TSPAN4: variants seen among roughly 807,000 people sequenced by gnomAD.
TSPAN4 encodes tetraspanin-4.
TSPAN4 carries 38 observed loss-of-function variants against 31.5 expected under a neutral mutation model. That is an observed-to-expected ratio of 1.21 (90% CI 0.93 to 1.58). The LOEUF (loss-of-function observed/expected upper bound fraction) is 1.58. Among genes scored for constraint, TSPAN4 ranks in the 40% most tolerant of loss-of-function variants. TSPAN4 has a pLI of 0.00. For missense variants in TSPAN4, 330 were observed against 317.3 expected, an observed-to-expected ratio of 1.04 and a Z score of -0.30; for synonymous variants, 186 against 144.6, an observed-to-expected ratio of 1.29 and a Z score of -2.06.
chr11:848,976 G>A lies in TSPAN4; in HGVS notation c.-17-1312G>A. 1.5e-6 allele frequency: 1 copy of A among 655,370 alleles called. No individual in the cohort carries two copies. Among genetic ancestry groups the A allele is most frequent in the African/African-American group, 1.8e-5 (1 of 54,544 alleles). 40.6% of individuals were successfully genotyped at this position (655,370 alleles called of 1,614,324 possible). On this transcript the variant is annotated intron_variant, in intron 2 of 8. Transcript: ENST00000397397. The surrounding 1 kb of genome is among the most constrained non-coding windows in gnomAD (Gnocchi z 5.7). ...AAGGGGTGGGGTGGGGTCTTTTACA[G>A]GCTGACTTCCAGCCTGGGCTGGAGC...
intron 4 of TSPAN4, 178 bp from the exon 5 acceptor site, chr11:864,259 T>TG: frequency 1.4e-6 from 1 of 705,660 alleles, no homozygotes; most frequent in African/African-American, 1.8e-5. Flanking sequence ...TCCCTGGACC[T>TG]GGGGCCAAGG....
intron 8 of TSPAN4, 79 bp downstream of exon 8, chr11:866,080 C>T (rs1589800680): frequency 1.3e-6 from 2 of 1,500,482 alleles, no homozygotes; most frequent in Admixed American, 1.9e-5. Context: ...GTAGCAAAGA[C>T]CTTGCCCCCA....
rs186146426 is a variant in TSPAN4, at chr11:848,618, G to A, written c.-18+1318G>A. 1.0e-3 allele frequency among the ~76,000 whole-genome samples: 158 copies of A among 152,264 alleles called. No homozygotes were observed. Among genetic ancestry groups the A allele is most frequent in the Admixed American group, 3.1e-3 (48 of 15,304 alleles). Reference sequence around the variant, plus strand: ...CATCAGTCACTCCAGGAGGACCCAGGCCTCCAGAGCTGGTCAGCCCTGCCA... The same window carrying A: ...CATCAGTCACTCCAGGAGGACCCAGACCTCCAGAGCTGGTCAGCCCTGCCA... On this transcript the variant is annotated intron_variant, in intron 2 of 8. Transcript: ENST00000397397. This position sits in a 1 kb window ranked among gnomAD's most constrained non-coding sequence, Gnocchi z 5.7.
At chr11:862,888 G>T (rs1848544796) in intron 4 of TSPAN4, 147 bp downstream of exon 4, 1 of 857,530 alleles carries the variant, frequency 1.2e-6, no homozygotes, top group Non-Finnish European at 1.7e-6. Flanking sequence ...GTGGCCCGGG[G>T]CCCTGGCCAC....
intron 4 of TSPAN4, chr11:862,956 G>A (rs535423607): frequency 1.4e-5 from 8 of 577,244 alleles, no homozygotes; most frequent in African/African-American, 7.5e-5. Flanking sequence ...CGGTGTGGGG[G>A]TCACTCAAGA....
At chr11:863,663 CTT>C (rs1055091206) in intron 4 of TSPAN4, 4 of 152,458 alleles carry the variant, frequency 2.6e-5, no homozygotes, top group African/African-American at 9.6e-5. Flanking sequence ...CCATGGGTGA[CTT>C]GGGACCAGAA....
At chr11:866,083 T>G in intron 8 of TSPAN4, 82 bp downstream of exon 8, 1 of 1,480,352 alleles carries the variant, frequency 6.8e-7, no homozygotes, top group Non-Finnish European at 9.3e-7. Context: ...GCAAAGACCT[T>G]GCCCCCAGGA....
At chr11:857,693 A>G (rs570428993) in intron 3 of TSPAN4, 56 of 152,188 alleles carry the variant, frequency 3.7e-4, no homozygotes, top group African/African-American at 1.3e-3. Flanking sequence ...GTGAGCCACC[A>G]CGCCCGGCCC....
chr11:859,891 G>C (rs542405106), intron 3 of TSPAN4: 3 of 152,368 alleles, frequency 2.0e-5, no homozygotes, highest in Admixed American at 2.0e-4. Flanking sequence ...TGTGTGGTCA[G>C]AGCCAGCAAG....
chr11:863,996 A>G (rs925096252), intron 4 of TSPAN4: 32 of 202,992 alleles, frequency 1.6e-4, no homozygotes, highest in African/African-American at 7.4e-4. Flanking sequence ...GGGCCTCTGC[A>G]GCCCAGCTGT....
rs757358579 is a variant in TSPAN4 at position 865,983 on chromosome 11, G to A, written c.630G>A (p.Leu210=). The change falls in exon 8 of 9, where the codon CTG becomes CTA. Residue 210 remains leucine, a synonymous_variant. Transcript: ENST00000397397. Reference sequence around the variant, plus strand: ...TGCTGGCTGTGGGCATCTTTGGGCTGTGCACGGCGCTGGTGCAGGTATGGC... The same window carrying A: ...TGCTGGCTGTGGGCATCTTTGGGCTATGCACGGCGCTGGTGCAGGTATGGC... ...ENLLAVGIFG[L]CTALVQILGL... is the part of the protein sequence containing the mutation. 9.3e-6 allele frequency: 15 copies of A among 1,612,256 alleles called. No individual in the cohort carries two copies. The East Asian group carries it at 1.6e-4, about 17-fold the overall frequency.
intron 2 of TSPAN4, among the ~76,000 whole-genome samples, chr11:849,520 G>A (rs1847505569): frequency 6.6e-6 from 1 of 152,180 alleles, no homozygotes; most frequent in Non-Finnish European, 1.5e-5. Context: ...GGAAGGGCTG[G>A]GGGTGTCGGT....
intron 4 of TSPAN4, chr11:862,990 G>A (rs550587472): frequency 1.3e-3 from 644 of 489,748 alleles, no homozygotes; most frequent in Non-Finnish European, 1.6e-3. Context: ...CTTGTCAGGG[G>A]CCTCCCCTGA....
intron 3 of TSPAN4, among the ~76,000 whole-genome samples, chr11:859,003 C>T (rs1245498462): frequency 5.3e-4 from 68 of 127,990 alleles, no homozygotes; most frequent in Admixed American, 2.8e-3. Context: ...CTGGGTCACA[C>T]GCATCCCCGC....
In TSPAN4 at chr11:866,826, C is replaced by T. The variant is rs550150061; in HGVS notation, c.*196C>T. 8.7e-6 allele frequency: 5 copies of T among 576,082 alleles called. No homozygotes were observed. The highest frequency in any genetic ancestry group is 7.6e-5 in the African/African-American group (4 of 52,290). The allele number at this position is 576,082 out of a possible 1,614,324, so 35.7% of individuals were successfully genotyped here. ...GTGGCTTCAGGGCCTCCGGACCCCC[C>T]CTGGGAGGGGTGGCCACGTGCTGGC... On this transcript the variant is annotated 3_prime_UTR_variant, in exon 9 of 9. Transcript: ENST00000397397.
chr11:845,579 A>AGGGGCC (rs893281797), intron 1 of TSPAN4, among the ~76,000 whole-genome samples: 1 of 152,112 alleles, frequency 6.6e-6, no homozygotes, highest in African/African-American at 2.4e-5. Context: ...TCTAGGTTGC[A>AGGGGCC]GGGGCCAGGG....
intron 4 of TSPAN4, 141 bp downstream of exon 4, chr11:862,882 C>G: frequency 3.2e-6 from 3 of 928,472 alleles, no homozygotes; most frequent in South Asian, 3.6e-5. Context: ...GGCAGTGTGG[C>G]CCGGGGCCCT....
At chr11:844,862 G>C (rs28419653) in intron 1 of TSPAN4, among the ~76,000 whole-genome samples, 150,725 of 152,262 alleles carry the variant, frequency 0.99, 74,623 homozygotes, top group Middle Eastern at 1. Flanking sequence ...TCAGGGCAAA[G>C]GACCAGGGGA....
chr11:854,280 C>T (rs1313925557), intron 3 of TSPAN4, among the ~76,000 whole-genome samples: 1 of 152,152 alleles, frequency 6.6e-6, no homozygotes, highest in East Asian at 1.9e-4. Flanking sequence ...GGTGGAAGCT[C>T]CGGCCGTCTC....
Sources: gnomAD v4.1 joint callset for allele counts (sites outside exome capture counted in the v4.1 genomes callset) on GRCh38, gnomAD v4.1.1 for gene constraint, Gnocchi (gnomAD v3.1) non-coding constraint, MANE v1.5 for transcripts, NCBI Gene and HGNC (gene_info 2026-07-23, HGNC 2026-07-21) for gene names.